Variants in ABCA12 observed in about 807,000 individuals in gnomAD.
ABCA12 encodes glucosylceramide transporter ABCA12.
Under a neutral mutation model 293.5 loss-of-function variants are expected in ABCA12, and 156 were observed. That is an observed-to-expected ratio of 0.53 (90% CI 0.47 to 0.61). The LOEUF is 0.61. ABCA12 is among the 20% of genes least tolerant of loss of function. ABCA12 has a pLI of 0.00. For synonymous variants in ABCA12, 1,063 were observed against 1,108.0 expected (o/e 0.96, Z 0.81); for missense variants, 2,797 against 3,090.2 (o/e 0.91, Z 2.25).
chr2:215,127,075 T>C (rs1439658982), intron 1 of ABCA12, among the ~76,000 whole-genome samples: 3 of 152,342 alleles, frequency 2.0e-5, no homozygotes, highest in East Asian at 3.9e-4. Flanking sequence ...GAGCAGGTTA[T>C]TTAATTTCCA....
chr2:214,968,698 C>CA (rs1559120549), intron 38 of ABCA12, 22 bp downstream of exon 38: 3 of 1,606,246 alleles, frequency 1.9e-6, no homozygotes, highest in Non-Finnish European at 2.6e-6. Context: ...TATAACATTC[C>CA]AGAAAAAAGA....
At chr2:215,073,756 T>C (rs1457434977) in intron 2 of ABCA12, among the ~76,000 whole-genome samples, 1 of 152,144 alleles carries the variant, frequency 6.6e-6, no homozygotes, top group Non-Finnish European at 1.5e-5. Flanking sequence ...CACCTAGGCA[T>C]CTAGGAGTTA....
intron 22 of ABCA12, among the ~76,000 whole-genome samples, chr2:214,998,862 G>A (rs887815619): frequency 6.6e-6 from 1 of 152,138 alleles, no homozygotes; most frequent in Non-Finnish European, 1.5e-5. Context: ...ATGTCGATGA[G>A]AGATTCTAAG....
intron 3 of ABCA12, among the ~76,000 whole-genome samples, chr2:215,058,827 T>C (rs2106066911): frequency 6.6e-6 from 1 of 152,146 alleles, no homozygotes; most frequent in East Asian, 1.9e-4. Flanking sequence ...ATTTAAGAAT[T>C]CCATCATTCT....
At chr2:215,009,732 T>C (rs1700331320) in intron 18 of ABCA12, among the ~76,000 whole-genome samples, 1 of 152,208 alleles carries the variant, frequency 6.6e-6, no homozygotes, top group South Asian at 2.1e-4. Flanking sequence ...GATTTTTCTT[T>C]TACTTTAGCT....
chr2:214,976,100 C>T, intron 33 of ABCA12, 63 bp from the exon 34 acceptor site: 1 of 1,595,184 alleles, frequency 6.3e-7, no homozygotes, highest in Non-Finnish European at 8.6e-7. Flanking sequence ...AAAATAACTT[C>T]AGAAACTATA....
At chr2:215,010,187 T>G in intron 18 of ABCA12, 144 bp downstream of exon 18, 1 of 1,075,620 alleles carries the variant, frequency 9.3e-7, no homozygotes, top group Non-Finnish European at 1.4e-6. Flanking sequence ...GTTGAGAATT[T>G]TACTAATAGT....
At chr2:215,100,928 A>T (rs980814953) in intron 2 of ABCA12, among the ~76,000 whole-genome samples, 3 of 152,226 alleles carry the variant, frequency 2.0e-5, no homozygotes, top group African/African-American at 7.2e-5. Flanking sequence ...CATGTAACTT[A>T]TCAATGAAAT....
At position 215,001,551 on chromosome 2, in the gene ABCA12, CACTT is replaced by C; in HGVS notation, c.2863+3_2863+6del. The C allele has an allele frequency of 6.2e-7, 1 of 1,613,542 alleles. No individual in the cohort carries two copies. Among genetic ancestry groups the C allele is most frequent in the Non-Finnish European group, 8.5e-7 (1 of 1,179,660 alleles). On this transcript the variant is annotated splice_donor_5th_base_variant and intron_variant, in intron 21 of 52. Transcript: ENST00000272895. ...AGATGCTCAAACCCTAATAGAACAG[CACTT>C]ACTTCCAAAGAGTTCGTTGCTTTTG...
chr2:215,015,780 T>A, intron 14 of ABCA12, 117 bp from the exon 15 acceptor site: 2 of 870,022 alleles, frequency 2.3e-6, no homozygotes, highest in Non-Finnish European at 3.7e-6. Flanking sequence ...TCCTCAAGAA[T>A]CAAACAACTT....
chr2:214,968,360 T>C (rs1699310786), intron 38 of ABCA12, among the ~76,000 whole-genome samples: 1 of 152,130 alleles, frequency 6.6e-6, no homozygotes, highest in Non-Finnish European at 1.5e-5. Context: ...ATTAATAATG[T>C]TTGGGAGATT....
chr2:214,973,822 T>A, intron 36 of ABCA12, 127 bp downstream of exon 36: 1 of 814,138 alleles, frequency 1.2e-6, no homozygotes. Flanking sequence ...CAGATCCATA[T>A]TTCTGAGCTA....
intron 47 of ABCA12, 162 bp from the exon 48 acceptor site, chr2:214,947,718 A>G: frequency 1.2e-6 from 1 of 821,652 alleles, no homozygotes; most frequent in Admixed American, 2.7e-5. Flanking sequence ...TTTATTTTCA[A>G]AGAATCACTT....
chr2:214,954,133 A>G, intron 43 of ABCA12, 26 bp from the exon 44 acceptor site: 1 of 1,610,526 alleles, frequency 6.2e-7, no homozygotes, highest in Non-Finnish European at 8.5e-7. Flanking sequence ...TAAAAATAAA[A>G]CTCAGTGTTA....
intron 1 of ABCA12, among the ~76,000 whole-genome samples, chr2:215,135,635 T>C (rs1435970824): frequency 6.6e-6 from 1 of 152,274 alleles, no homozygotes; most frequent in Admixed American, 6.5e-5. Context: ...TATTATTTGA[T>C]GGATAACCAA....
chr2:215,116,440 A>G (rs948392265), intron 1 of ABCA12, among the ~76,000 whole-genome samples: 7 of 152,330 alleles, frequency 4.6e-5, no homozygotes, highest in African/African-American at 1.7e-4. Flanking sequence ...TGATTGATAT[A>G]GATAGGTAGG....
At chr2:214,969,227 A>C (rs1052793450) in intron 37 of ABCA12, among the ~76,000 whole-genome samples, 2 of 151,868 alleles carry the variant, frequency 1.3e-5, no homozygotes, top group Non-Finnish European at 2.9e-5. Flanking sequence ...TATATAACAA[A>C]TTTTCCCCTA....
intron 1 of ABCA12, among the ~76,000 whole-genome samples, chr2:215,114,553 C>A (rs1483490349): frequency 3.9e-5 from 6 of 152,024 alleles, no homozygotes; most frequent in Non-Finnish European, 8.8e-5. Context: ...ACATAGGAGG[C>A]CAGGATTCTT....
intron 26 of ABCA12, among the ~76,000 whole-genome samples, chr2:214,988,631 G>A (rs575486695): frequency 4.6e-5 from 7 of 152,238 alleles, no homozygotes; most frequent in Admixed American, 1.3e-4. Flanking sequence ...GTCTTCTTCC[G>A]TTAGAATCTG....
Sources: allele counts gnomAD v4.1 joint callset (sites outside exome capture counted in the v4.1 genomes callset), GRCh38; gene constraint gnomAD v4.1.1; transcripts MANE v1.5; gene names NCBI Gene and HGNC (gene_info 2026-07-23, HGNC 2026-07-21).